MED13: variants seen among roughly 807,000 people sequenced by gnomAD.
MED13 encodes the protein mediator of RNA polymerase II transcription subunit 13.
A neutral mutation model predicts 225.2 loss-of-function variants in MED13; 23 were observed. That is an observed-to-expected ratio of 0.10 (90% CI 0.07 to 0.14). MED13 has a LOEUF of 0.14. MED13 is among the 10% of genes least tolerant of loss of function. The probability of loss-of-function intolerance (pLI) is 1.00; values close to 1 mark genes in which losing one functional copy is unlikely to be tolerated. For synonymous variants in MED13, 942 were observed against 889.2 expected (o/e 1.06, Z -1.06); for missense variants, 2,197 against 2,594.5 (o/e 0.85, Z 3.33).
rs553965182 is a variant in MED13, at chr17:61,970,062, CAAT to C, written c.3968-1807_3968-1805del. Among the ~76,000 whole-genome samples the C allele has an allele frequency of 2.6e-5, 4 of 152,234 alleles. No homozygotes were observed. The South Asian group carries it at 8.3e-4, about 32-fold the overall frequency. ...GCAATTTAAAATTAATAATAGCAAACAATGATAATTCTATGTGCTAGGTACTGT... is the reference window on the plus strand; with the variant it reads ...GCAATTTAAAATTAATAATAGCAAACGATAATTCTATGTGCTAGGTACTGT... On this transcript the variant is annotated intron_variant, in intron 17 of 29. Coordinates refer to ENST00000397786, the MANE Select transcript of MED13 (RefSeq NM_005121.3).
chr17:62,008,502 T>C (rs1159728822), intron 9 of MED13, among the ~76,000 whole-genome samples: 1 of 151,936 alleles, frequency 6.6e-6, no homozygotes, highest in Non-Finnish European at 1.5e-5. Context: ...AACTCATTAT[T>C]ACACATTTCT....
Position 61,942,841 on chromosome 17 carries a change from A to G in MED13, c.*3627T>C, listed in dbSNP as rs931535716. On this transcript the variant is annotated 3_prime_UTR_variant, in exon 30 of 30. Coordinates refer to ENST00000397786, the MANE Select transcript of MED13 (RefSeq NM_005121.3). ...CAACAACTTTAAAACGCCCCTTCAT[A>G]AAGTGACCAAGCTATTTTGAGAGGG... The G allele has an allele frequency of 6.6e-6, 1 of 152,574 alleles. No homozygotes were observed. The highest frequency in any genetic ancestry group is 1.5e-5 in the Non-Finnish European group (1 of 67,980). The allele number at this position is 152,574 out of a possible 1,614,324, so 9.5% of individuals were successfully genotyped here.
intron 3 of MED13, chr17:62,036,805 TA>T (rs2080807659): frequency 1.3e-5 from 2 of 152,236 alleles, no homozygotes; most frequent in Non-Finnish European, 2.9e-5. Context: ...TTAAGCATGT[TA>T]TTCAAGTTAC....
Position 61,982,535 on chromosome 17 carries a change from G to A in MED13, c.3468C>T (p.Gly1156=). 1 of 1,614,090 alleles carries A rather than the reference G, an allele frequency of 6.2e-7. No homozygotes were observed. The highest frequency in any genetic ancestry group is 1.1e-5 in the South Asian group (1 of 91,080). ...LDIIGRNTDC[G]KEAEKRFEAL... is the part of the protein sequence containing the mutation. ...CTTCAAAACGTTTTTCTGCTTCTTT[G>A]CCACAGTCTGTATTGCGTCCTATGA... The change falls in exon 16 of 30, where the codon GGC becomes GGT. Residue 1156 remains glycine (G), a synonymous_variant. Coordinates refer to ENST00000397786, the MANE Select transcript of MED13 (RefSeq NM_005121.3).
At chr17:62,022,470 A>AT (rs1041986606) in intron 8 of MED13, among the ~76,000 whole-genome samples, 3 of 151,812 alleles carry the variant, frequency 2.0e-5, no homozygotes, top group Non-Finnish European at 4.4e-5. Context: ...TATTAATAAC[A>AT]TTTTTTTCAT....
At chr17:62,058,980 TAA>T (rs1259327835) in intron 2 of MED13, among the ~76,000 whole-genome samples, 1 of 152,108 alleles carries the variant, frequency 6.6e-6, no homozygotes, top group Non-Finnish European at 1.5e-5. Context: ...CTAAGTGACA[TAA>T]GAGAAAATGA....
At chr17:62,031,135 T>C in intron 6 of MED13, 1 of 190,530 alleles carries the variant, frequency 5.2e-6, no homozygotes, top group Non-Finnish European at 1.1e-5. Flanking sequence ...GAGGATCGAG[T>C]AATAGTTGTA....
chr17:61,973,539 T>C (rs894267709), intron 16 of MED13, among the ~76,000 whole-genome samples: 7 of 152,164 alleles, frequency 4.6e-5, no homozygotes, highest in Admixed American at 4.6e-4. Context: ...GAAAAATCAC[T>C]AAAAGATATT....
intron 2 of MED13, among the ~76,000 whole-genome samples, chr17:62,062,596 CACACCACACA>C (rs955574107): frequency 1.4e-4 from 8 of 58,800 alleles, no homozygotes; most frequent in African/African-American, 1.0e-3. Context: ...CACACACACA[CACACCACACA>C]CACACACACA....
At chr17:62,021,263 G>A (rs1184886994) in intron 8 of MED13, among the ~76,000 whole-genome samples, 79 of 150,912 alleles carry the variant, frequency 5.2e-4, no homozygotes, top group Admixed American at 4.4e-3. Flanking sequence ...CAGTAGGGGC[G>A]GCCGGGCAGA....
intron 2 of MED13, among the ~76,000 whole-genome samples, chr17:62,059,427 T>C (rs76662017): frequency 6.6e-6 from 1 of 152,332 alleles, no homozygotes; most frequent in East Asian, 1.9e-4. Flanking sequence ...AACACTTCAG[T>C]AACAAGATGT....
At chr17:62,044,665 T>TA (rs1476300994) in intron 3 of MED13, among the ~76,000 whole-genome samples, 1 of 152,336 alleles carries the variant, frequency 6.6e-6, no homozygotes, top group East Asian at 1.9e-4. Context: ...TGTAATACTC[T>TA]ATATTGCCTT....
chr17:62,019,392 G>A (rs974812142), intron 8 of MED13, among the ~76,000 whole-genome samples: 6 of 151,810 alleles, frequency 4.0e-5, no homozygotes, highest in African/African-American at 1.2e-4. Context: ...AATATAAATA[G>A]ATGTAATAAA....
At chr17:61,991,496 C>G (rs1250684130) in intron 11 of MED13, among the ~76,000 whole-genome samples, 1 of 151,474 alleles carries the variant, frequency 6.6e-6, no homozygotes, top group Non-Finnish European at 1.5e-5. Flanking sequence ...TGCACCACCA[C>G]GCCCAGCTAA....
intron 15 of MED13, 61 bp from the exon 16 acceptor site, chr17:61,983,175 G>T: frequency 7.7e-7 from 1 of 1,298,938 alleles, no homozygotes; most frequent in Non-Finnish European, 1.0e-6. Flanking sequence ...TTAGTAATGT[G>T]AAATACAACT....
At chr17:62,049,892 T>C (rs575069341) in intron 3 of MED13, among the ~76,000 whole-genome samples, 26 of 138,540 alleles carry the variant, frequency 1.9e-4, no homozygotes, top group African/African-American at 7.4e-4. Flanking sequence ...ATCGCGCCAC[T>C]GCACTCCAGC....
At chr17:61,957,325 G>A (rs1046680931) in intron 23 of MED13, among the ~76,000 whole-genome samples, 3 of 151,250 alleles carry the variant, frequency 2.0e-5, no homozygotes, top group African/African-American at 7.3e-5. Context: ...TTACAGACAT[G>A]AGCCACTGCG....
intron 8 of MED13, among the ~76,000 whole-genome samples, chr17:62,028,992 C>T (rs1418931411): frequency 3.9e-5 from 6 of 151,946 alleles, no homozygotes; most frequent in African/African-American, 4.8e-5. Flanking sequence ...CCCCTCTCTA[C>T]GAATTTTTTT....
chr17:62,010,263 G>C (rs2080493829), intron 9 of MED13, among the ~76,000 whole-genome samples: 1 of 151,254 alleles, frequency 6.6e-6, no homozygotes, highest in Admixed American at 6.6e-5. Flanking sequence ...AAGGAAGACT[G>C]GAAGAAGAAA....
Sources: allele counts gnomAD v4.1 joint callset (sites outside exome capture counted in the v4.1 genomes callset), GRCh38; gene constraint gnomAD v4.1.1; transcripts MANE v1.5; gene names NCBI Gene and HGNC (gene_info 2026-07-23, HGNC 2026-07-21).